ADGRG6: variants seen among roughly 807,000 people sequenced by gnomAD.
ADGRG6 encodes adhesion G protein-coupled receptor G6, also known as G-protein coupled receptor 126.
Under a neutral mutation model 142.4 loss-of-function variants are expected in ADGRG6, and 84 were observed. That is an observed-to-expected ratio of 0.59 (90% CI 0.49 to 0.71). The LOEUF is 0.71. Ranked by LOEUF, ADGRG6 falls within the 30% of genes least tolerant of loss-of-function variation. The probability of loss-of-function intolerance (pLI) is 0.00; values close to 1 mark genes in which losing one functional copy is unlikely to be tolerated. For synonymous variants in ADGRG6, 521 were observed against 520.5 expected (o/e 1.00, Z -0.01); for missense variants, 1,367 against 1,466.6 (o/e 0.93, Z 1.11).
At chr6:142,413,859 A>G (rs1423100873) in intron 18 of ADGRG6, among the ~76,000 whole-genome samples, 1 of 151,124 alleles carries the variant, frequency 6.6e-6, no homozygotes, top group South Asian at 2.1e-4. Context: ...CCTGTTCTTT[A>G]CTGCATCAGT....
chr6:142,369,090 G>A (rs1319676987), intron 3 of ADGRG6, among the ~76,000 whole-genome samples: 2 of 152,030 alleles, frequency 1.3e-5, no homozygotes, highest in African/African-American at 2.4e-5. Context: ...TTTTATTATA[G>A]AACTATTCTT....
At chr6:142,392,087 A>C (rs1774924782) in intron 7 of ADGRG6, among the ~76,000 whole-genome samples, 1 of 151,976 alleles carries the variant, frequency 6.6e-6, no homozygotes, top group African/African-American at 2.4e-5. Context: ...ACCTGTTTCA[A>C]ATTATTACTA....
At chr6:142,314,912 T>C (rs77830629) in intron 2 of ADGRG6, among the ~76,000 whole-genome samples, 3,681 of 152,100 alleles carry the variant, frequency 0.024, 173 homozygotes, top group African/African-American at 0.084. Context: ...GGAATCTCAG[T>C]ATTGAGGAAT....
intron 7 of ADGRG6, 98 bp downstream of exon 7, chr6:142,390,441 A>G (rs1774830164): frequency 3.2e-6 from 2 of 620,166 alleles, no homozygotes; most frequent in African/African-American, 3.7e-5. Flanking sequence ...ATACTGAAAC[A>G]CAGATGGTAT....
chr6:142,409,550 A>G (rs983914983), intron 16 of ADGRG6, among the ~76,000 whole-genome samples: 2 of 152,140 alleles, frequency 1.3e-5, no homozygotes, highest in Admixed American at 6.6e-5. Context: ...AATTTTGAAG[A>G]TGATGTGAAA....
intron 18 of ADGRG6, among the ~76,000 whole-genome samples, chr6:142,412,771 T>C (rs1448789036): frequency 6.6e-6 from 1 of 152,192 alleles, no homozygotes; most frequent in Non-Finnish European, 1.5e-5. Context: ...AGAACACTTA[T>C]TTTTTGTGAT....
At chr6:142,420,607 A>G (rs1222913909) in intron 22 of ADGRG6, among the ~76,000 whole-genome samples, 2 of 152,138 alleles carry the variant, frequency 1.3e-5, no homozygotes, top group Non-Finnish European at 2.9e-5. Context: ...ATAAATACCA[A>G]CACTCTAGTT....
chr6:142,376,962 G>A (rs556139542), intron 4 of ADGRG6, among the ~76,000 whole-genome samples: 2 of 152,304 alleles, frequency 1.3e-5, no homozygotes, highest in South Asian at 2.1e-4. Flanking sequence ...ACCACAACTT[G>A]TGTAAATATT....
chr6:142,302,678 G>C, intron 1 of ADGRG6: 1 of 311,452 alleles, frequency 3.2e-6, no homozygotes, highest in Non-Finnish European at 5.9e-6. Context: ...CCGCTCCTCA[G>C]TCCAGAGGCC....
intron 6 of ADGRG6, among the ~76,000 whole-genome samples, chr6:142,388,294 A>G (rs1782132468): frequency 6.6e-6 from 1 of 152,184 alleles, no homozygotes; most frequent in South Asian, 2.1e-4. Flanking sequence ...AACATCTTAA[A>G]TATTTGGATG....
intron 4 of ADGRG6, among the ~76,000 whole-genome samples, chr6:142,374,685 A>AT (rs1781414029): frequency 6.6e-6 from 1 of 152,232 alleles, no homozygotes; most frequent in Non-Finnish European, 1.5e-5. Flanking sequence ...GACAAAAAAA[A>AT]GTGGCAGAGG....
chr6:142,430,573 A>G (rs540466030), intron 22 of ADGRG6, among the ~76,000 whole-genome samples: 2 of 152,296 alleles, frequency 1.3e-5, no homozygotes, highest in African/African-American at 2.4e-5. Flanking sequence ...AATGAGTTCT[A>G]TGTGGGAGCC....
chr6:142,313,257 A>T (rs1032484997), intron 2 of ADGRG6, among the ~76,000 whole-genome samples: 1 of 152,060 alleles, frequency 6.6e-6, no homozygotes, highest in Non-Finnish European at 1.5e-5. Flanking sequence ...CTTAACTGTT[A>T]CTCTGGCTCT....
At chr6:142,412,248 G>T (rs191701161) in intron 18 of ADGRG6, among the ~76,000 whole-genome samples, 196 of 152,244 alleles carry the variant, frequency 1.3e-3, no homozygotes, top group African/African-American at 4.4e-3. Context: ...CTGGGTTGTA[G>T]CATAGCCTTT....
Position 142,383,845 on chromosome 6 carries a change from T to A in ADGRG6, c.1222+2T>A. On this transcript the variant is annotated splice_donor_variant, in intron 6 of 24. Transcript: ENST00000367609. LOFTEE classifies it high-confidence loss of function. ...ACAGAATCGATAAACAAAGGAATGG[T>A]AAGAAATCATTACCTTTTATATTTT... The A allele has an allele frequency of 2.1e-6, 3 of 1,427,254 alleles. No individual in the cohort carries two copies. The highest frequency in any genetic ancestry group is 3.0e-6 in the Non-Finnish European group (3 of 1,012,368). The allele number at this position is 1,427,254 out of a possible 1,614,324, so 88.4% of individuals were successfully genotyped here.
At chr6:142,438,026 A>T (rs1454215212) in intron 23 of ADGRG6, 186 bp from the exon 24 acceptor site, 1 of 469,054 alleles carries the variant, frequency 2.1e-6, no homozygotes, top group Non-Finnish European at 3.7e-6. Flanking sequence ...AATAGTACGT[A>T]TACAAGGTCA....
At chr6:142,366,341 G>A (rs1202477223) in intron 2 of ADGRG6, among the ~76,000 whole-genome samples, 1 of 152,092 alleles carries the variant, frequency 6.6e-6, no homozygotes, top group Non-Finnish European at 1.5e-5. Flanking sequence ...TACATTCCAT[G>A]GGAAAAACCA....
At chr6:142,388,243 G>C (rs1279684500) in intron 6 of ADGRG6, among the ~76,000 whole-genome samples, 2 of 152,062 alleles carry the variant, frequency 1.3e-5, no homozygotes, top group African/African-American at 4.8e-5. Context: ...TTTTAAATAA[G>C]TATAACAAGT....
chr6:142,384,080 A>T (rs983368816), intron 6 of ADGRG6, among the ~76,000 whole-genome samples: 1 of 152,026 alleles, frequency 6.6e-6, no homozygotes, highest in Non-Finnish European at 1.5e-5. Flanking sequence ...TTTAGCCAAA[A>T]TTTTTTTCAA....
Sources: gnomAD v4.1 joint callset for allele counts (sites outside exome capture counted in the v4.1 genomes callset) on GRCh38, gnomAD v4.1.1 for gene constraint, MANE v1.5 for transcripts, NCBI Gene and HGNC (gene_info 2026-07-23, HGNC 2026-07-21) for gene names.